Variants in DGKK observed in about 807,000 individuals in gnomAD.
DGKK encodes the protein diacylglycerol kinase kappa, also known as 142 kDa diacylglycerol kinase.
In DGKK, 35 loss-of-function variants were observed where a neutral mutation model predicts 92.2. The observed-to-expected ratio is 0.38, with a 90% CI of 0.29 to 0.50. The LOEUF is 0.50. Ranked by LOEUF, DGKK falls within the 20% of genes least tolerant of loss-of-function variation. The pLI is 0.92. For missense variants in DGKK, 910 were observed against 992.2 expected (o/e 0.92, Z 1.11); for synonymous variants, 368 against 360.6 (o/e 1.02, Z -0.23).
chrX:50,421,831 C>T (rs1002005513), intron 3 of DGKK, among the ~76,000 whole-genome samples: 1 of 111,947 alleles, frequency 8.9e-6, no homozygotes, highest in African/African-American at 3.3e-5. Context: ...CCATATCCCA[C>T]CACTGAGGCT....
chrX:50,429,724 A>G (rs901736310), intron 1 of DGKK, among the ~76,000 whole-genome samples: 25 of 112,487 alleles, frequency 2.2e-4, no homozygotes, highest in African/African-American at 8.1e-4. Context: ...AGCTCTGACT[A>G]TTCCATACTA....
chrX:50,407,206 T>A (rs782753012), intron 4 of DGKK, among the ~76,000 whole-genome samples: 55 of 112,093 alleles, frequency 4.9e-4, no homozygotes, highest in African/African-American at 1.8e-3. Flanking sequence ...AAGAGGTGCA[T>A]CTTGGTTTCT....
intron 1 of DGKK, among the ~76,000 whole-genome samples, chrX:50,447,407 ATAAT>A (rs1204467579): frequency 2.2e-4 from 3 of 13,727 alleles, no homozygotes; most frequent in African/African-American, 1.6e-3. Context: ...ATATATATAT[ATAAT>A]ATATATATAT....
chrX:50,438,869 T>G (rs2147143062), intron 1 of DGKK, among the ~76,000 whole-genome samples: 1 of 111,753 alleles, frequency 8.9e-6, no homozygotes, highest in East Asian at 2.8e-4. Flanking sequence ...TTAGGTCTGT[T>G]GCCATAAAGT....
intron 25 of DGKK, among the ~76,000 whole-genome samples, chrX:50,372,270 C>A (rs1389254651): frequency 8.9e-6 from 1 of 111,932 alleles, no homozygotes; most frequent in Non-Finnish European, 1.9e-5. Context: ...CAATACCTTA[C>A]AAGGTACTAT....
At chrX:50,411,598 A>G (rs1344178506) in intron 4 of DGKK, among the ~76,000 whole-genome samples, 1 of 112,312 alleles carries the variant, frequency 8.9e-6, no homozygotes, top group Non-Finnish European at 1.9e-5. Flanking sequence ...CACATAACAA[A>G]CTGATAGCTA....
chrX:50,466,017 C>CTTTTTTTTTTTTTTTTTTT (rs72090197), intron 1 of DGKK, among the ~76,000 whole-genome samples: 2 of 42,793 alleles, frequency 4.7e-5, no homozygotes, highest in Non-Finnish European at 3.8e-5. Context: ...TTTCTTTTTT[C>CTTTTTTTTTTTTTTTTTTT]TTTTTTTTTT....
At position 50,422,536 on chromosome X, in the gene DGKK, T is replaced by C; in HGVS notation, c.757-10A>G. 8.4e-7 allele frequency: 1 copy of C among 1,191,495 alleles called. No homozygotes were observed. The highest frequency in any genetic ancestry group is 1.1e-6 in the Non-Finnish European group (1 of 882,958). On this transcript the variant is annotated splice_polypyrimidine_tract_variant and intron_variant, in intron 2 of 27. Transcript: ENST00000611977. ...TTTCAAAGTGTGCAAACTGGAAAGA[T>C]ATAAGACAGAGAGGGACAAGGAACC...
intron 26 of DGKK, among the ~76,000 whole-genome samples, chrX:50,371,435 C>T (rs1351721744): frequency 1.8e-5 from 2 of 112,097 alleles, no homozygotes; most frequent in African/African-American, 6.5e-5. Context: ...ACAAAAAAAC[C>T]TATCTTGCTT....
At chrX:50,379,764 G>T in intron 19 of DGKK, 30 bp from the exon 20 acceptor site, 1 of 1,124,692 alleles carries the variant, frequency 8.9e-7, no homozygotes. Context: ...CTCATTAGCT[G>T]GATCTTTAGA....
rs782199767 is a variant in DGKK, at chrX:50,393,348, AAAGAAAAAG to A, written c.1412-22_1412-14del. 3.4e-6 allele frequency: 4 copies of A among 1,180,758 alleles called. No homozygotes were observed. Among genetic ancestry groups the A allele is most frequent in the Non-Finnish European group, 4.6e-6 (4 of 877,483 alleles). On this transcript the variant is annotated splice_polypyrimidine_tract_variant and intron_variant, in intron 8 of 27. Transcript: ENST00000611977. ...ACTACTAATTGGCCTGACACAACGAAAAGAAAAAGAAGAAAAAAAAGAACGGACCCGTTG... is the reference window on the plus strand; with the variant it reads ...ACTACTAATTGGCCTGACACAACGAAAAGAAAAAAAAGAACGGACCCGTTG...
intron 1 of DGKK, among the ~76,000 whole-genome samples, chrX:50,464,582 T>C (rs1369378214): frequency 9.1e-6 from 1 of 109,703 alleles, no homozygotes; most frequent in Non-Finnish European, 1.9e-5. Flanking sequence ...CCTTAATTTC[T>C]TTTTTTTTAA....
intron 10 of DGKK, 126 bp downstream of exon 10, chrX:50,392,215 A>C (rs1213372219): frequency 2.0e-6 from 1 of 491,423 alleles, no homozygotes; most frequent in East Asian, 3.7e-5. Flanking sequence ...GTCAGGCTGA[A>C]TATGAAACCT....
intron 1 of DGKK, among the ~76,000 whole-genome samples, chrX:50,447,205 T>C (rs1454236626): frequency 1.1e-5 from 1 of 92,260 alleles, no homozygotes; most frequent in Non-Finnish European, 2.1e-5. Context: ...AATATATATA[T>C]ATTTATATTT....
Position 50,384,187 on chromosome X carries a change from G to T in DGKK, c.2530C>A (p.His844Asn). The T allele has an allele frequency of 8.5e-7, 1 of 1,173,080 alleles. No individual in the cohort carries two copies. The highest frequency in any genetic ancestry group is 1.8e-5 in the African/African-American group (1 of 56,975). Residue 844 changes from histidine (H) to asparagine (N), a missense_variant, in exon 17 of 28, where the codon CAT becomes AAT. Physicochemically the swap from His to Asn is moderately conservative, Grantham distance 68. Coordinates refer to ENST00000611977, the MANE Select transcript of DGKK (RefSeq NM_001013742.4). ...ACTTACATAGATTCAGGTGTAAAAT[G>T]TAAGTGATCCAAGTTAAGGTTGTCC... ...DLDNLNLDHL[H>N]FTPESIRFKE...
rs186897356 is a variant in DGKK, at chrX:50,470,784, G to T, written c.-106C>A. 1.1e-6 allele frequency: 1 copy of T among 945,069 alleles called. No individual in the cohort carries two copies. 77.9% of individuals were successfully genotyped at this position (945,069 alleles called of 1,213,427 possible). On this transcript the variant is annotated 5_prime_UTR_variant, in exon 1 of 28. Transcript: ENST00000611977. ...CCAGTCCGGCAGCCCCTCGCAGGGT[G>T]CCAAACTTTCCCCCATCCCACTCCA...
In DGKK at chrX:50,379,696, G is replaced by A; in HGVS notation, c.2793C>T (p.Gly931=). ...GETISLPNLQ[G]IVVLNITSYA... is the part of the protein sequence containing the mutation. ...AGCTGGTAATGTTGAGCACTACAAT[G>A]CCTTGCAGGTTTGGCAAGGAGATGG... Residue 931 remains glycine (G), a synonymous_variant, in exon 20 of 28, where the codon GGC becomes GGT. Transcript: ENST00000611977. 2 of 1,211,256 alleles carry A rather than the reference G, an allele frequency of 1.7e-6. No homozygotes were observed. The highest frequency in any genetic ancestry group is 2.2e-6 in the Non-Finnish European group (2 of 895,063).
chrX:50,434,426 C>T (rs1305177387), intron 1 of DGKK, among the ~76,000 whole-genome samples: 6 of 111,315 alleles, frequency 5.4e-5, no homozygotes, highest in African/African-American at 2.0e-4. Flanking sequence ...GGGTTTGAAC[C>T]CTGATCTTTT....
chrX:50,404,109 G>A lies in DGKK; in HGVS notation c.1018C>T (p.His340Tyr). ...WYSSYSHRTQ[H>Y]CNVCRESIPA... ...ATGCTCTCTCGACAAACATTGCAGTGCTGGGTCCGGTGGCTGTAACTGGAG... is the reference window on the plus strand; with the variant it reads ...ATGCTCTCTCGACAAACATTGCAGTACTGGGTCCGGTGGCTGTAACTGGAG... The change falls in exon 5 of 28, where the codon CAC becomes TAC. Residue 340 changes from histidine (H) to tyrosine (Y), a missense_variant. Physicochemically the swap from His to Tyr is moderately conservative, Grantham distance 83. Coordinates refer to ENST00000611977, the MANE Select transcript of DGKK (RefSeq NM_001013742.4). 1 of 1,210,894 alleles carries A rather than the reference G, an allele frequency of 8.3e-7. No individual in the cohort carries two copies. The highest frequency in any genetic ancestry group is 1.1e-6 in the Non-Finnish European group (1 of 895,107).
Sources: allele counts gnomAD v4.1 joint callset (sites outside exome capture counted in the v4.1 genomes callset), GRCh38; gene constraint gnomAD v4.1.1; transcripts MANE v1.5; gene names NCBI Gene and HGNC (gene_info 2026-07-23, HGNC 2026-07-21).